The following ABR variants were observed in gnomAD, a reference collection of about 807,000 sequenced individuals.
ABR encodes ABR activator of RhoGEF and GTPase, also known as active breakpoint cluster region-related protein.
A neutral mutation model predicts 107.2 loss-of-function variants in ABR; 35 were observed. The observed-to-expected ratio is 0.33, with a 90% CI of 0.25 to 0.43. The LOEUF (loss-of-function observed/expected upper bound fraction) is 0.43, where lower values mean the gene tolerates loss of function less well. ABR is among the 20% of genes least tolerant of loss of function. The pLI, the probability that ABR is intolerant of heterozygous loss-of-function variation, is 1.00. For missense variants in ABR, 815 were observed against 1,115.2 expected (o/e 0.73, Z 3.83); for synonymous variants, 498 against 462.0 (o/e 1.08, Z -1.00).
chr17:1,166,360 C>T (rs954979107), intron 1 of ABR, among the ~76,000 whole-genome samples: 2 of 152,112 alleles, frequency 1.3e-5, no homozygotes, highest in East Asian at 1.9e-4. Context: ...TGACATTCAG[C>T]GTCCTCTTCA....
At chr17:1,076,153 C>T (rs2035690116) in intron 6 of ABR, among the ~76,000 whole-genome samples, 1 of 152,222 alleles carries the variant, frequency 6.6e-6, no homozygotes, top group Non-Finnish European at 1.5e-5. Flanking sequence ...ATCCTCCTGC[C>T]TCAGTCTGCC....
chr17:1,031,708 G>A, intron 16 of ABR: 1 of 1,250,044 alleles, frequency 8.0e-7, no homozygotes, highest in South Asian at 3.1e-5. Flanking sequence ...CCCGCCTTCG[G>A]GCTGCAGTCG....
Position 1,105,299 on chromosome 17 carries a change from G to A in ABR, c.247-4564C>T, listed in dbSNP as rs985409529. On this transcript the variant is annotated intron_variant, in intron 2 of 22. Coordinates refer to ENST00000302538, the MANE Select transcript of ABR (RefSeq NM_021962.5). The stretch of plus-strand genomic sequence containing the variant: ...TGGGATTACAGGCATGAGCCACTGC[G>A]CCCAAGAACTGACTTGTAAAAAGCA... Among the ~76,000 whole-genome samples, 10 of 151,980 alleles carry A rather than the reference G, an allele frequency of 6.6e-5. No individual in the cohort carries two copies. In the South Asian group the frequency reaches 1.2e-3, roughly 19 times the overall value.
In ABR at chr17:1,079,316, G is replaced by A. The variant is rs375398360; in HGVS notation, c.700+14C>T. 5.5e-5 allele frequency: 89 copies of A among 1,612,018 alleles called. No individual in the cohort carries two copies. The highest frequency in any genetic ancestry group is 1.9e-4 in the African/African-American group (14 of 74,966). ...AAGGTAGGTGCCTGTAATCCAGCCC[G>A]CTCCCCGAGGTACCTTCCATGGTGA... On this transcript the variant is annotated intron_variant, in intron 6 of 22. Transcript: ENST00000302538.
chr17:1,057,723 G>C, intron 12 of ABR: 1 of 483,810 alleles, frequency 2.1e-6, no homozygotes, highest in South Asian at 2.1e-5. Flanking sequence ...GAGAGGTAGA[G>C]AGAGAGAGAA....
chr17:1,105,072 G>A (rs2038157774), intron 2 of ABR, among the ~76,000 whole-genome samples: 1 of 149,800 alleles, frequency 6.7e-6, no homozygotes, highest in East Asian at 2.0e-4. Flanking sequence ...GCAGTGGCAG[G>A]ATCTTGGCTC....
At chr17:1,128,665 GC>G (rs1174493305) in intron 1 of ABR, among the ~76,000 whole-genome samples, 1 of 152,206 alleles carries the variant, frequency 6.6e-6, no homozygotes, top group Non-Finnish European at 1.5e-5. Flanking sequence ...AGCCCCAGCA[GC>G]CATCCTGAAC....
chr17:1,059,944 C>A (rs191202618), intron 10 of ABR, among the ~76,000 whole-genome samples: 1 of 152,292 alleles, frequency 6.6e-6, no homozygotes, highest in Non-Finnish European at 1.5e-5. Flanking sequence ...GTCAATTAAG[C>A]GCACACTCAC....
At position 1,128,305 on chromosome 17, in the gene ABR, G is replaced by A. The variant is rs1248509578; in HGVS notation, c.62-2938C>T. ...CTACTGAGCACAGGCTTCAGTCTCC[G>A]ACGGCCACAGGTGGGTATGCTGAGC... is the stretch of plus-strand genomic sequence containing the variant. On this transcript the variant is annotated intron_variant, in intron 1 of 22. Transcript: ENST00000302538. Among the ~76,000 whole-genome samples the A allele has an allele frequency of 1.1e-4, 17 of 152,348 alleles. No individual in the cohort carries two copies. In the East Asian group the frequency reaches 2.1e-3, roughly 19 times the overall value.
intron 1 of ABR, among the ~76,000 whole-genome samples, chr17:1,208,269 G>A (rs1291370400): frequency 3.3e-5 from 5 of 152,332 alleles, no homozygotes; most frequent in South Asian, 2.1e-4. Flanking sequence ...CTGACACACA[G>A]GAGGCAGCTC....
At chr17:1,188,409 G>C (rs2042360045), upstream of ABR, among the ~76,000 whole-genome samples, 1 of 150,088 alleles carries the variant, frequency 6.7e-6, no homozygotes, top group Admixed American at 6.6e-5. Context: ...AATCATCTGG[G>C]CATGGTGGCG....
intron 4 of ABR, among the ~76,000 whole-genome samples, chr17:1,091,160 G>A (rs1227377003): frequency 6.6e-6 from 1 of 152,142 alleles, no homozygotes; most frequent in Non-Finnish European, 1.5e-5. Context: ...TTACAGACCC[G>A]AGGTCTCAGG....
chr17:1,123,746 G>A (rs2039458778), intron 2 of ABR, among the ~76,000 whole-genome samples: 1 of 152,174 alleles, frequency 6.6e-6, no homozygotes, highest in African/African-American at 2.4e-5. Flanking sequence ...AGAGATGGGA[G>A]CGAGAGTCTT....
chr17:1,142,302 T>C (rs1445150150), intron 1 of ABR, among the ~76,000 whole-genome samples: 1 of 151,844 alleles, frequency 6.6e-6, no homozygotes, highest in Non-Finnish European at 1.5e-5. Flanking sequence ...ACTAAGACTC[T>C]TGCTGGGCAC....
chr17:1,054,579 G>T (rs185453670), intron 14 of ABR, among the ~76,000 whole-genome samples: 22 of 92,736 alleles, frequency 2.4e-4, no homozygotes, highest in African/African-American at 1.1e-3. Context: ...TGAGGGGATG[G>T]GGGCACAAGG....
chr17:1,203,525 T>C (rs1185062188), intron 1 of ABR, among the ~76,000 whole-genome samples: 1 of 140,448 alleles, frequency 7.1e-6, no homozygotes, highest in Non-Finnish European at 1.6e-5. Context: ...GGGCCGCAGG[T>C]CCTGGTCACG....
chr17:1,184,522 G>C (rs762152167), upstream of ABR, among the ~76,000 whole-genome samples: 2 of 152,160 alleles, frequency 1.3e-5, no homozygotes, highest in Non-Finnish European at 2.9e-5. Context: ...CAGCGCAGTG[G>C]GTGAACAAGG....
At chr17:1,227,641 G>T (rs1424547980) in intron 1 of ABR, among the ~76,000 whole-genome samples, 1 of 136,150 alleles carries the variant, frequency 7.3e-6, no homozygotes, top group Non-Finnish European at 1.7e-5. Flanking sequence ...CAGCATCAAT[G>T]ATTTTTTTTC....
chr17:1,010,546 G>A lies in ABR; in HGVS notation c.2236+183C>T. The A allele has an allele frequency of 1.4e-6, 1 of 737,642 alleles. No individual in the cohort carries two copies. Among genetic ancestry groups the A allele is most frequent in the Non-Finnish European group, 2.2e-6 (1 of 463,294 alleles). The allele number at this position is 737,642 out of a possible 1,614,324, so 45.7% of individuals were successfully genotyped here. On this transcript the variant is annotated intron_variant, in intron 20 of 22. Coordinates refer to ENST00000302538, the MANE Select transcript of ABR (RefSeq NM_021962.5). The surrounding 1 kb of genome is among the most constrained non-coding windows in gnomAD (Gnocchi z 4.1). ...AGAGGCAGGCGAGAAAGGGCCCAGT[G>A]TCTGCACCAGGTCCCAGCAGGCCAC...
Sources: allele counts gnomAD v4.1 joint callset (sites outside exome capture counted in the v4.1 genomes callset), GRCh38; gene constraint gnomAD v4.1.1; non-coding constraint Gnocchi (gnomAD v3.1); transcripts MANE v1.5; gene names NCBI Gene and HGNC (gene_info 2026-07-23, HGNC 2026-07-21).